PLD1: variants seen among roughly 807,000 people sequenced by gnomAD.
The protein encoded by PLD1 is choline phosphatase 1.
PLD1 carries 112 observed loss-of-function variants against 137.1 expected under a neutral mutation model. That is an observed-to-expected ratio of 0.82 (90% CI 0.70 to 0.96). The LOEUF is 0.96. PLD1 is among the 40% of genes least tolerant of loss of function. PLD1 has a pLI of 0.00. For synonymous variants in PLD1, 431 were observed against 454.7 expected (o/e 0.95, Z 0.66); for missense variants, 1,321 against 1,342.0 (o/e 0.98, Z 0.24).
rs527751207 is a variant in PLD1 at position 171,798,328 on chromosome 3, A to G, written c.-32+12071T>C. Among the ~76,000 whole-genome samples the G allele has an allele frequency of 2.6e-5, 4 of 152,330 alleles. No individual in the cohort carries two copies. The East Asian group carries it at 7.7e-4, about 29-fold the overall frequency. On this transcript the variant is annotated intron_variant, in intron 1 of 26. Transcript: ENST00000351298. ...GGCTATGATACCTCCCTTGCTTCAC[A>G]TCAACTCTCCTACTCATCGAACATA...
At chr3:171,628,510 A>G (rs1390607586) in intron 23 of PLD1, among the ~76,000 whole-genome samples, 8 of 152,182 alleles carry the variant, frequency 5.3e-5, no homozygotes, top group Admixed American at 1.3e-4. Context: ...AACTCATTTT[A>G]TGAGGCCAGC....
At chr3:171,705,592 C>T (rs947249667) in intron 11 of PLD1, among the ~76,000 whole-genome samples, 6 of 152,272 alleles carry the variant, frequency 3.9e-5, no homozygotes, top group Middle Eastern at 3.4e-3. Flanking sequence ...AAACCAATGT[C>T]CAAATAGCAC....
intron 23 of PLD1, among the ~76,000 whole-genome samples, chr3:171,624,155 A>C (rs1733883441): frequency 6.6e-6 from 1 of 152,204 alleles, no homozygotes; most frequent in South Asian, 2.1e-4. Flanking sequence ...GATAATCCTA[A>C]CATATAAAGA....
intron 16 of PLD1, among the ~76,000 whole-genome samples, chr3:171,686,334 T>G (rs948954999): frequency 1.3e-5 from 2 of 152,096 alleles, no homozygotes; most frequent in South Asian, 2.1e-4. Flanking sequence ...CCTACCCCAA[T>G]TAAATTACTT....
chr3:171,616,849 T>C (rs1460624559), intron 24 of PLD1, among the ~76,000 whole-genome samples: 2 of 152,208 alleles, frequency 1.3e-5, no homozygotes, highest in African/African-American at 4.8e-5. Flanking sequence ...ACTAAGTTTG[T>C]GGTCATTTGT....
Position 171,688,880 on chromosome 3 carries a change from G to T in PLD1, c.1339-4C>A. 1.9e-6 allele frequency: 3 copies of T among 1,609,076 alleles called. No individual in the cohort carries two copies. Among genetic ancestry groups the T allele is most frequent in the Non-Finnish European group, 2.6e-6 (3 of 1,175,622 alleles). ...CATGATCCGGGTGTCTCATCACCTTGAGAGGGAATAATCCCCACTGATAAT... is the reference window on the plus strand; with the variant it reads ...CATGATCCGGGTGTCTCATCACCTTTAGAGGGAATAATCCCCACTGATAAT... On this transcript the variant is annotated splice_polypyrimidine_tract_variant and splice_region_variant and intron_variant, in intron 13 of 26. Coordinates refer to ENST00000351298, the MANE Select transcript of PLD1 (RefSeq NM_002662.5).
chr3:171,801,897 A>T (rs759011903), intron 1 of PLD1, among the ~76,000 whole-genome samples: 9 of 152,252 alleles, frequency 5.9e-5, no homozygotes, highest in African/African-American at 2.4e-5. Context: ...ATCACAGATT[A>T]TACACCCACA....
chr3:171,800,283 A>G (rs1723592412), intron 1 of PLD1, among the ~76,000 whole-genome samples: 1 of 152,002 alleles, frequency 6.6e-6, no homozygotes, highest in Non-Finnish European at 1.5e-5. Flanking sequence ...ATCTCGGCTC[A>G]CTGCAACCTC....
intron 23 of PLD1, among the ~76,000 whole-genome samples, chr3:171,639,354 G>T (rs532976474): frequency 8.0e-6 from 1 of 124,750 alleles, no homozygotes; most frequent in Non-Finnish European, 1.6e-5. Flanking sequence ...AGATATATAT[G>T]AATATATATT....
At chr3:171,730,291 A>G (rs2108251261) in intron 6 of PLD1, among the ~76,000 whole-genome samples, 1 of 152,318 alleles carries the variant, frequency 6.6e-6, no homozygotes, top group East Asian at 1.9e-4. Context: ...GTAAAGAGGA[A>G]ATACATTTGT....
intron 21 of PLD1, among the ~76,000 whole-genome samples, chr3:171,656,767 C>G (rs1402206665): frequency 6.6e-6 from 1 of 152,168 alleles, no homozygotes; most frequent in Non-Finnish European, 1.5e-5. Context: ...ACCATGGGAT[C>G]AAGACATCCA....
chr3:171,682,148 GAAAGAAAGAAAGAAAGAA>G (rs201233923), intron 16 of PLD1, among the ~76,000 whole-genome samples: 14,377 of 96,574 alleles, frequency 0.15, 1,215 homozygotes, highest in African/African-American at 0.21. Flanking sequence ...AAGAAAGAAA[GAAAGAAAGAAAGAAAGAA>G]AAAGAAAGAA....
intron 25 of PLD1, chr3:171,611,439 G>GGGACGT (rs1482427587): frequency 5.6e-6 from 2 of 356,188 alleles, no homozygotes; most frequent in African/African-American, 4.3e-5. Context: ...AACACAACAG[G>GGGACGT]GGACGTGGAC....
chr3:171,687,234 G>T, intron 15 of PLD1, 137 bp downstream of exon 15: 2 of 687,162 alleles, frequency 2.9e-6, no homozygotes, highest in Non-Finnish European at 4.9e-6. Flanking sequence ...AGGTTGAATA[G>T]AATGATATAG....
intron 1 of PLD1, among the ~76,000 whole-genome samples, chr3:171,798,204 T>C (rs1048203182): frequency 1.3e-5 from 2 of 151,948 alleles, no homozygotes; most frequent in Admixed American, 1.3e-4. Context: ...GATAAGGGAG[T>C]GCTCAGTGAA....
At chr3:171,639,466 A>G (rs1428779047) in intron 23 of PLD1, among the ~76,000 whole-genome samples, 1 of 121,278 alleles carries the variant, frequency 8.2e-6, no homozygotes, top group Admixed American at 9.4e-5. Flanking sequence ...TAGATATAAT[A>G]TATTCATTTT....
intron 17 of PLD1, among the ~76,000 whole-genome samples, chr3:171,677,346 G>T (rs1713482015): frequency 1.3e-5 from 2 of 152,014 alleles, no homozygotes; most frequent in Admixed American, 6.6e-5. Flanking sequence ...GGATTTTTCA[G>T]ACAGTTCAGC....
chr3:171,729,016 C>A (rs1355235821), intron 6 of PLD1, among the ~76,000 whole-genome samples: 1 of 152,028 alleles, frequency 6.6e-6, no homozygotes, highest in Non-Finnish European at 1.5e-5. Context: ...GAGAGGCAAA[C>A]CTAACTAATA....
chr3:171,623,920 A>G (rs1004277218), intron 23 of PLD1, among the ~76,000 whole-genome samples: 8 of 151,984 alleles, frequency 5.3e-5, no homozygotes, highest in African/African-American at 7.2e-5. Flanking sequence ...AAATGAAACC[A>G]GACAAGTGTT....
Sources: allele counts gnomAD v4.1 joint callset (sites outside exome capture counted in the v4.1 genomes callset), GRCh38; gene constraint gnomAD v4.1.1; transcripts MANE v1.5; gene names NCBI Gene and HGNC (gene_info 2026-07-23, HGNC 2026-07-21).